Variants in CDS1 observed in about 807,000 individuals in gnomAD.
CDS1 encodes CDP-diacylglycerol synthase 1.
Under a neutral mutation model 62.1 loss-of-function variants are expected in CDS1, and 41 were observed. The ratio of observed to expected loss-of-function variants is 0.66; its 90% CI spans 0.51 to 0.86. The LOEUF (loss-of-function observed/expected upper bound fraction) is 0.86, where lower values mean the gene tolerates loss of function less well. Ranked by LOEUF, CDS1 falls within the 40% of genes least tolerant of loss-of-function variation. The pLI, the probability that CDS1 is intolerant of heterozygous loss-of-function variation, is 0.00. For missense variants in CDS1, 470 were observed against 550.1 expected (o/e 0.85, Z 1.46); for synonymous variants, 185 against 192.6 (o/e 0.96, Z 0.32).
intron 1 of CDS1, among the ~76,000 whole-genome samples, chr4:84,599,673 C>T (rs528203945): frequency 6.6e-6 from 1 of 151,788 alleles, no homozygotes; most frequent in South Asian, 2.1e-4. Flanking sequence ...TGTCTGGCTT[C>T]TTTTACTCAG....
intron 5 of CDS1, among the ~76,000 whole-genome samples, chr4:84,624,727 A>G (rs184602567): frequency 9.9e-5 from 15 of 152,180 alleles, no homozygotes; most frequent in Admixed American, 5.9e-4. Context: ...GTGTGGACCG[A>G]TAGTGTAGTT....
chr4:84,646,409 G>A (rs2148662197), intron 12 of CDS1, among the ~76,000 whole-genome samples: 1 of 151,912 alleles, frequency 6.6e-6, no homozygotes, highest in South Asian at 2.1e-4. Flanking sequence ...GATAAGCTTA[G>A]ATTATTGATT....
chr4:84,639,407 T>G (rs919990816), intron 9 of CDS1, among the ~76,000 whole-genome samples: 5 of 152,266 alleles, frequency 3.3e-5, no homozygotes, highest in African/African-American at 1.2e-4. Context: ...CTCTGCCTTC[T>G]TAAACACATG....
intron 5 of CDS1, among the ~76,000 whole-genome samples, chr4:84,628,258 A>C (rs1290019100): frequency 6.6e-6 from 1 of 152,160 alleles, no homozygotes; most frequent in African/African-American, 2.4e-5. Flanking sequence ...GTGTTTACTA[A>C]ATTTTGACTA....
intron 5 of CDS1, among the ~76,000 whole-genome samples, chr4:84,621,492 A>G (rs1343627032): frequency 6.6e-6 from 1 of 152,232 alleles, no homozygotes; most frequent in Non-Finnish European, 1.5e-5. Context: ...GGTAATGGGA[A>G]TTTTCAGAGA....
At chr4:84,612,226 T>C (rs1723346710) in intron 3 of CDS1, among the ~76,000 whole-genome samples, 1 of 151,900 alleles carries the variant, frequency 6.6e-6, no homozygotes, top group East Asian at 1.9e-4. Context: ...AGGGCCTTGC[T>C]ATGTGGAGAA....
intron 4 of CDS1, among the ~76,000 whole-genome samples, chr4:84,619,173 CTAAA>C (rs1187534168): frequency 6.6e-6 from 1 of 151,716 alleles, no homozygotes; most frequent in East Asian, 1.9e-4. Context: ...AGATTTTCAG[CTAAA>C]TAAAGGTATG....
intron 1 of CDS1, among the ~76,000 whole-genome samples, chr4:84,591,641 CT>C (rs760054256): frequency 3.4e-4 from 52 of 152,094 alleles, no homozygotes; most frequent in Non-Finnish European, 3.1e-4. Flanking sequence ...CAATTTTAGT[CT>C]TTTAACAATT....
At chr4:84,626,610 A>C (rs546788049) in intron 5 of CDS1, among the ~76,000 whole-genome samples, 4 of 152,258 alleles carry the variant, frequency 2.6e-5, no homozygotes, top group Admixed American at 1.3e-4. Context: ...TAAAAATGCA[A>C]CCTCATAGTA....
rs567965580 is a variant in CDS1 at position 84,651,254 on chromosome 4, A to T, written c.*2568A>T. ...AGTGTATATTTAGGGTATATGGGTG[A>T]TAGCTTATGATGTGTGTCAATCAGT... On this transcript the variant is annotated 3_prime_UTR_variant, in exon 13 of 13. Coordinates refer to ENST00000295887, the MANE Select transcript of CDS1 (RefSeq NM_001263.4). The T allele has an allele frequency of 6.6e-6, 1 of 152,354 alleles. No individual in the cohort carries two copies. Among genetic ancestry groups the T allele is most frequent in the South Asian group, 2.1e-4 (1 of 4,834 alleles). The allele number at this position is 152,354 out of a possible 1,614,324, so 9.4% of individuals were successfully genotyped here.
chr4:84,637,239 T>A (rs1263081477), intron 8 of CDS1, among the ~76,000 whole-genome samples: 2 of 152,184 alleles, frequency 1.3e-5, no homozygotes, highest in Non-Finnish European at 2.9e-5. Flanking sequence ...ATACATGATT[T>A]ACGTATTCAA....
chr4:84,647,416 A>G (rs1327527963), intron 12 of CDS1, among the ~76,000 whole-genome samples: 1 of 152,156 alleles, frequency 6.6e-6, no homozygotes, highest in African/African-American at 2.4e-5. Context: ...ATGCTGAGCC[A>G]TGTTGTCCAC....
intron 2 of CDS1, among the ~76,000 whole-genome samples, chr4:84,608,065 G>A (rs1037831166): frequency 6.6e-6 from 1 of 152,204 alleles, no homozygotes; most frequent in Non-Finnish European, 1.5e-5. Context: ...GGCATGCCAG[G>A]CCCTTACAGC....
intron 1 of CDS1, among the ~76,000 whole-genome samples, chr4:84,598,886 T>G (rs1361546612): frequency 6.6e-6 from 1 of 152,222 alleles, no homozygotes; most frequent in Non-Finnish European, 1.5e-5. Flanking sequence ...ACTATATCCT[T>G]TGTTCCCTGA....
In CDS1 at chr4:84,648,750, T is replaced by G. The variant is rs957703344; in HGVS notation, c.*64T>G. 1.3e-5 allele frequency: 20 copies of G among 1,503,282 alleles called. No individual in the cohort carries two copies. In the African/African-American group the frequency reaches 2.7e-4, roughly 20 times the overall value. 93.1% of individuals were successfully genotyped at this position (1,503,282 alleles called of 1,614,324 possible). A position where few individuals can be genotyped will look rare whatever the true frequency, so the allele number is the denominator to read the frequency against. ...TTCAGAAAAACACTGACAGATGTTT[T>G]ATAAATTGTACAGAAAAATAGTTAA... is the stretch of plus-strand genomic sequence containing the variant. On this transcript the variant is annotated 3_prime_UTR_variant, in exon 13 of 13. Coordinates refer to ENST00000295887, the MANE Select transcript of CDS1 (RefSeq NM_001263.4).
intron 1 of CDS1, among the ~76,000 whole-genome samples, chr4:84,590,394 G>C (rs371469375): frequency 6.6e-6 from 1 of 152,136 alleles, no homozygotes. Context: ...AGCTATGTGC[G>C]GGTTAGGAAT....
chr4:84,601,164 C>A (rs562188749), intron 1 of CDS1, among the ~76,000 whole-genome samples: 217 of 28,834 alleles, frequency 7.5e-3, no homozygotes, highest in African/African-American at 0.024. Context: ...CAGAGTAAGA[C>A]CCTGTCTCAA....
chr4:84,622,416 C>T (rs1366986941), intron 5 of CDS1, among the ~76,000 whole-genome samples: 4 of 151,536 alleles, frequency 2.6e-5, no homozygotes, highest in African/African-American at 9.7e-5. Flanking sequence ...TGGCGAAACC[C>T]GATCTCTACT....
At chr4:84,620,154 A>T (rs1723633588) in intron 5 of CDS1, among the ~76,000 whole-genome samples, 1 of 151,240 alleles carries the variant, frequency 6.6e-6, no homozygotes, top group Non-Finnish European at 1.5e-5. Context: ...TTTCACATAT[A>T]TATTGCTTTA....
Sources: gnomAD v4.1 joint callset for allele counts (sites outside exome capture counted in the v4.1 genomes callset) on GRCh38, gnomAD v4.1.1 for gene constraint, MANE v1.5 for transcripts, NCBI Gene and HGNC (gene_info 2026-07-23, HGNC 2026-07-21) for gene names.